The following SAMD5 variants were observed in gnomAD, a reference collection of about 807,000 sequenced individuals.
SAMD5 encodes the protein sterile alpha motif domain-containing protein 5.
Under a neutral mutation model 11.3 loss-of-function variants are expected in SAMD5, and 13 were observed. That is an observed-to-expected ratio of 1.15 (90% confidence interval 0.75 to 1.83). The LOEUF is 1.83. SAMD5 is among the 40% of genes most tolerant of loss of function. The pLI is 0.00. For missense variants in SAMD5, 255 were observed against 239.1 expected, an observed-to-expected ratio of 1.07 and a Z score of -0.44; for synonymous variants, 129 against 111.3, an observed-to-expected ratio of 1.16 and a Z score of -1.00.
chr6:147,725,861 G>A (rs759245420), intron 1 of SAMD5, among the ~76,000 whole-genome samples: 3 of 152,144 alleles, frequency 2.0e-5, no homozygotes, highest in Non-Finnish European at 4.4e-5. Flanking sequence ...AATGATGGGA[G>A]AGACTGAGAT....
At chr6:147,951,244 C>A in the SAMD5 span, among the ~76,000 whole-genome samples, 9 of 151,138 alleles carry the variant, frequency 6.0e-5, no homozygotes, top group South Asian at 6.3e-4. Context: ...TGCAGTGGCG[C>A]GATCTCGGCT....
intron 1 of SAMD5, among the ~76,000 whole-genome samples, chr6:147,614,505 T>G (rs1583107057): frequency 6.7e-6 from 1 of 150,004 alleles, no homozygotes; most frequent in Non-Finnish European, 1.5e-5. Context: ...AACCAGCAAA[T>G]GATTGATACA....
At chr6:147,933,803 T>C in the SAMD5 span, among the ~76,000 whole-genome samples, 144 of 152,314 alleles carry the variant, frequency 9.5e-4, 1 homozygote, top group Admixed American at 5.9e-4. Flanking sequence ...AGAAAATGCA[T>C]TGGGTCTATT....
the SAMD5 span, among the ~76,000 whole-genome samples, chr6:147,826,878 C>A: frequency 6.6e-6 from 1 of 152,216 alleles, no homozygotes; most frequent in Non-Finnish European, 1.5e-5. Flanking sequence ...TCACTGTTCC[C>A]GGCAGGTCTC....
At chr6:147,912,225 A>G in the SAMD5 span, among the ~76,000 whole-genome samples, 1 of 152,218 alleles carries the variant, frequency 6.6e-6, no homozygotes, top group African/African-American at 2.4e-5. Flanking sequence ...TTAGTGGGAA[A>G]AACTGCAAAG....
intron 1 of SAMD5, among the ~76,000 whole-genome samples, chr6:147,649,501 G>A (rs116944311): frequency 0.015 from 2,356 of 152,266 alleles, 23 homozygotes; most frequent in Non-Finnish European, 0.024. Flanking sequence ...GTTAATAAAA[G>A]TATAAACAAG....
rs1169359290 is a variant in SAMD5 at position 147,566,720 on chromosome 6, G to A, written c.*2264G>A. The stretch of plus-strand genomic sequence containing the variant: ...GTCACAGTCAGCAAAAAAAGCCAAT[G>A]GATTTTAAAAAGACATCTTAGTTAA... On this transcript the variant is annotated 3_prime_UTR_variant, in exon 2 of 2. Transcript: ENST00000367474. 1.0e-6 allele frequency: 1 copy of A among 985,036 alleles called. No homozygotes were observed. The highest frequency in any genetic ancestry group is 1.7e-5 in the African/African-American group (1 of 57,162). 61.0% of individuals were successfully genotyped at this position (985,036 alleles called of 1,614,324 possible). A position where few individuals can be genotyped will look rare whatever the true frequency, so the allele number is the denominator to read the frequency against.
At chr6:147,623,999 A>G (rs1028474253) in intron 1 of SAMD5, among the ~76,000 whole-genome samples, 6 of 152,090 alleles carry the variant, frequency 3.9e-5, no homozygotes, top group Middle Eastern at 3.4e-3. Context: ...CCTCCCAAGT[A>G]GCTGGGATTA....
chr6:147,589,230 A>T (rs1398386814), intron 1 of SAMD5, among the ~76,000 whole-genome samples: 1 of 152,134 alleles, frequency 6.6e-6, no homozygotes, highest in Non-Finnish European at 1.5e-5. Flanking sequence ...AAGTGCTGGG[A>T]TTACAGGTGT....
At chr6:147,559,687 C>A (rs941335319) in intron 1 of SAMD5, among the ~76,000 whole-genome samples, 1 of 152,018 alleles carries the variant, frequency 6.6e-6, no homozygotes, top group African/African-American at 2.4e-5. Flanking sequence ...TGGGTAGTTG[C>A]CTCTAAAGTA....
intron 1 of SAMD5, among the ~76,000 whole-genome samples, chr6:147,637,864 T>G (rs904614095): frequency 6.6e-6 from 1 of 152,138 alleles, no homozygotes; most frequent in South Asian, 2.1e-4. Flanking sequence ...AGTTCGGTTT[T>G]TTTTTTTTTT....
Position 147,569,748 on chromosome 6 carries a change from G to A in SAMD5, c.*5292G>A. ...AGAAAATTTCTGCCCCTACAGAAGT[G>A]TGTGCATGGGCCTTGGAAAATCTAC... On this transcript the variant is annotated 3_prime_UTR_variant, in exon 2 of 2. Transcript: ENST00000367474. 1 of 985,378 alleles carries A rather than the reference G, an allele frequency of 1.0e-6. No homozygotes were observed. The allele number at this position is 985,378 out of a possible 1,614,324, so 61.0% of individuals were successfully genotyped here. A position where few individuals can be genotyped will look rare whatever the true frequency, so the allele number is the denominator to read the frequency against.
intron 1 of SAMD5, among the ~76,000 whole-genome samples, chr6:147,597,972 C>T (rs562386343): frequency 3.9e-5 from 6 of 152,322 alleles, no homozygotes; most frequent in Non-Finnish European, 7.3e-5. Flanking sequence ...CTTCGGATGG[C>T]TCCCTCCTTC....
chr6:147,791,751 T>G, the SAMD5 span, among the ~76,000 whole-genome samples: 2 of 152,214 alleles, frequency 1.3e-5, no homozygotes, highest in Non-Finnish European at 2.9e-5. Flanking sequence ...CTTTCCAGAT[T>G]TCAATATTTG....
intron 1 of SAMD5, among the ~76,000 whole-genome samples, chr6:147,524,673 AT>A (rs1359862251): frequency 3.9e-5 from 6 of 151,938 alleles, no homozygotes; most frequent in Non-Finnish European, 8.8e-5. Context: ...AAAGTAAAAT[AT>A]TGTTTTCCAT....
At chr6:147,517,845 T>C (rs907515006) in intron 1 of SAMD5, among the ~76,000 whole-genome samples, 1 of 151,534 alleles carries the variant, frequency 6.6e-6, no homozygotes, top group Non-Finnish European at 1.5e-5. Context: ...AAATGGAAAA[T>C]GTAATCTTGG....
intron 1 of SAMD5, chr6:147,733,818 C>T (rs1056226836): frequency 7.5e-6 from 7 of 929,924 alleles, no homozygotes; most frequent in Admixed American, 6.2e-5. Flanking sequence ...TAAGGTAAGC[C>T]GCTGAGATTT....
the SAMD5 span, among the ~76,000 whole-genome samples, chr6:147,864,046 G>A: frequency 6.6e-6 from 1 of 151,862 alleles, no homozygotes; most frequent in African/African-American, 2.4e-5. Flanking sequence ...GTTTCACCAT[G>A]TTGGCCAGGC....
the SAMD5 span, among the ~76,000 whole-genome samples, chr6:147,793,493 T>C: frequency 2.6e-5 from 4 of 152,192 alleles, no homozygotes; most frequent in Admixed American, 1.3e-4. Context: ...GTATAGACTT[T>C]AGTTAATTAG....
Sources: allele counts gnomAD v4.1 joint callset (sites outside exome capture counted in the v4.1 genomes callset), GRCh38; gene constraint gnomAD v4.1.1; transcripts MANE v1.5; gene names NCBI Gene and HGNC (gene_info 2026-07-23, HGNC 2026-07-21).